Variants in ZRANB3 observed in about 807,000 individuals in gnomAD.
The protein encoded by ZRANB3 is zinc finger RANBP2-type containing 3.
Under a neutral mutation model 133.8 loss-of-function variants are expected in ZRANB3, and 125 were observed. That is an observed-to-expected ratio of 0.93 (90% CI 0.81 to 1.08). ZRANB3 has a LOEUF of 1.08. Among genes scored for constraint, ZRANB3 ranks in the 50% least tolerant of loss-of-function variants. ZRANB3 has a pLI of 0.00. For synonymous variants in ZRANB3, 387 were observed against 432.7 expected (o/e 0.89, Z 1.31); for missense variants, 1,229 against 1,275.5 (o/e 0.96, Z 0.56).
chr2:135,337,352 G>C (rs1187655905), intron 6 of ZRANB3, among the ~76,000 whole-genome samples: 9 of 152,132 alleles, frequency 5.9e-5, no homozygotes, highest in Admixed American at 5.9e-4. Flanking sequence ...AACTGGCTTA[G>C]AATGACCAGA....
chr2:135,291,285 C>T (rs1020156428), intron 8 of ZRANB3, among the ~76,000 whole-genome samples: 16 of 152,066 alleles, frequency 1.1e-4, no homozygotes, highest in Admixed American at 5.2e-4. Context: ...TAGATTCAAG[C>T]GATTCTCCAG....
intron 2 of ZRANB3, among the ~76,000 whole-genome samples, chr2:135,398,002 G>C (rs887907649): frequency 1.3e-5 from 2 of 152,060 alleles, no homozygotes; most frequent in African/African-American, 4.8e-5. Flanking sequence ...CAGCAATAAG[G>C]ATCATGTCCA....
In ZRANB3 at chr2:135,278,290, C is replaced by T. The variant is rs1009735499; in HGVS notation, c.967-2535G>A. Among the ~76,000 whole-genome samples the T allele has an allele frequency of 3.9e-5, 6 of 152,228 alleles. No homozygotes were observed. The East Asian group carries it at 9.6e-4, about 24-fold the overall frequency. On this transcript the variant is annotated intron_variant, in intron 8 of 20. Coordinates refer to ENST00000264159, the MANE Select transcript of ZRANB3 (RefSeq NM_032143.4). ...AACAATTCTGAATTGTATTGGATTT[C>T]TCAATACCAATACCAGAAATGAGAG...
chr2:135,366,296 CTTTGTGAAAG>C (rs1258833793), intron 3 of ZRANB3, among the ~76,000 whole-genome samples: 1 of 151,350 alleles, frequency 6.6e-6, no homozygotes, highest in East Asian at 1.9e-4. Flanking sequence ...GAAAGGACGC[CTTTGTGAAAG>C]TTTTTTTTTT....
chr2:135,371,586 C>A (rs1268512144), intron 3 of ZRANB3, among the ~76,000 whole-genome samples: 1 of 152,144 alleles, frequency 6.6e-6, no homozygotes, highest in Non-Finnish European at 1.5e-5. Flanking sequence ...CCAAAGAAAT[C>A]AGGACAGACT....
chr2:135,405,253 TCAA>T, intron 2 of ZRANB3, among the ~76,000 whole-genome samples: 1 of 152,084 alleles, frequency 6.6e-6, no homozygotes, highest in Non-Finnish European at 1.5e-5. Flanking sequence ...AGGGATAAGT[TCAA>T]CAAGAAGAGC....
At chr2:135,272,505 C>G (rs1433253461) in intron 9 of ZRANB3, among the ~76,000 whole-genome samples, 1 of 146,936 alleles carries the variant, frequency 6.8e-6, no homozygotes. Flanking sequence ...AGCTCCGCCT[C>G]CGGGTTCACG....
chr2:135,438,525 A>T (rs1253280649), intron 2 of ZRANB3, among the ~76,000 whole-genome samples: 2 of 149,964 alleles, frequency 1.3e-5, no homozygotes, highest in African/African-American at 5.0e-5. Flanking sequence ...AAAAAAAAAA[A>T]TTGTTAATTG....
At chr2:135,408,843 G>A (rs1688170435) in intron 2 of ZRANB3, among the ~76,000 whole-genome samples, 1 of 152,006 alleles carries the variant, frequency 6.6e-6, no homozygotes, top group African/African-American at 2.4e-5. Context: ...GGGGATGGGG[G>A]AGGGATAGCA....
At position 135,406,890 on chromosome 2, in the gene ZRANB3, C is replaced by G. The variant is rs557269743; in HGVS notation, c.162-16070G>C. 2.2e-4 allele frequency among the ~76,000 whole-genome samples: 33 copies of G among 152,292 alleles called. No individual in the cohort carries two copies. The South Asian group carries it at 5.8e-3, about 27-fold the overall frequency. Reference sequence around the variant, plus strand: ...ATACTGAATGGGCAAAAACTGGAAGCATTCCCTTCAAAACATGGCACAAGA... The same window carrying G: ...ATACTGAATGGGCAAAAACTGGAAGGATTCCCTTCAAAACATGGCACAAGA... On this transcript the variant is annotated intron_variant, in intron 2 of 20. Coordinates refer to ENST00000264159, the MANE Select transcript of ZRANB3 (RefSeq NM_032143.4).
intron 8 of ZRANB3, among the ~76,000 whole-genome samples, chr2:135,305,534 G>T (rs1053286801): frequency 2.0e-5 from 3 of 152,166 alleles, no homozygotes; most frequent in Non-Finnish European, 4.4e-5. Context: ...TTGCCATTTT[G>T]TTAATTGTTT....
chr2:135,291,679 T>G (rs1234805351), intron 8 of ZRANB3, among the ~76,000 whole-genome samples: 2 of 152,202 alleles, frequency 1.3e-5, no homozygotes, highest in Admixed American at 6.5e-5. Flanking sequence ...TGTGCCATGT[T>G]GGTGTGCTGC....
At chr2:135,379,045 A>G (rs1421248703) in intron 3 of ZRANB3, among the ~76,000 whole-genome samples, 2 of 152,184 alleles carry the variant, frequency 1.3e-5, no homozygotes, top group African/African-American at 2.4e-5. Flanking sequence ...ATAATAATAT[A>G]TGAATATTGG....
chr2:135,273,080 G>A (rs569228582), intron 9 of ZRANB3, among the ~76,000 whole-genome samples: 70 of 151,742 alleles, frequency 4.6e-4, no homozygotes, highest in African/African-American at 1.5e-3. Flanking sequence ...CAGATACTCG[G>A]GAGGCTGAGG....
At chr2:135,263,105 C>T (rs1680043138) in intron 12 of ZRANB3, among the ~76,000 whole-genome samples, 1 of 152,046 alleles carries the variant, frequency 6.6e-6, no homozygotes. Context: ...TCCCCATATC[C>T]ATTCTTCTCT....
intron 2 of ZRANB3, among the ~76,000 whole-genome samples, chr2:135,463,425 T>G (rs72986439): frequency 0.068 from 10,304 of 152,032 alleles, 718 homozygotes; most frequent in African/African-American, 0.18. Flanking sequence ...ATATGTTGTT[T>G]TTTTTTTTTG....
chr2:135,420,118 T>TG (rs1375000421), intron 2 of ZRANB3, among the ~76,000 whole-genome samples: 4 of 88,702 alleles, frequency 4.5e-5, no homozygotes, highest in African/African-American at 3.6e-4. Flanking sequence ...TATATATATA[T>TG]ATATATAACT....
At chr2:135,328,768 G>T (rs1683976464) in intron 6 of ZRANB3, among the ~76,000 whole-genome samples, 1 of 152,194 alleles carries the variant, frequency 6.6e-6, no homozygotes, top group Non-Finnish European at 1.5e-5. Flanking sequence ...ACTGGTGTGA[G>T]ATGGTATCTC....
intron 3 of ZRANB3, among the ~76,000 whole-genome samples, chr2:135,375,134 C>T (rs115014771): frequency 0.01 from 1,581 of 152,228 alleles, 25 homozygotes; most frequent in African/African-American, 0.036. Flanking sequence ...AAAGACACTT[C>T]GACAGTTTCT....
Sources: allele counts gnomAD v4.1 joint callset (sites outside exome capture counted in the v4.1 genomes callset), GRCh38; gene constraint gnomAD v4.1.1; transcripts MANE v1.5; gene names NCBI Gene and HGNC (gene_info 2026-07-23, HGNC 2026-07-21).